Variants in NCOA2 observed in about 807,000 individuals in gnomAD.
NCOA2 encodes the protein nuclear receptor coactivator 2.
Under a neutral mutation model 145.1 loss-of-function variants are expected in NCOA2, and 21 were observed. The ratio of observed to expected loss-of-function variants is 0.14; its 90% CI spans 0.10 to 0.21. The LOEUF (loss-of-function observed/expected upper bound fraction) is 0.21. Among genes scored for constraint, NCOA2 ranks in the 10% least tolerant of loss-of-function variants. NCOA2 has a pLI of 1.00. For missense variants in NCOA2, 1,472 were observed against 1,837.6 expected (o/e 0.80, Z 3.64); for synonymous variants, 619 against 637.5 (o/e 0.97, Z 0.44).
chr8:70,161,543 T>C (rs1813002958), intron 9 of NCOA2, among the ~76,000 whole-genome samples: 1 of 152,198 alleles, frequency 6.6e-6, no homozygotes, highest in African/African-American at 2.4e-5. Context: ...AAAAAGGGCA[T>C]GGGAGAAACA....
rs34008376 is a variant in NCOA2 at position 70,250,392 on chromosome 8, CAAAAAAAAAAA to C, written c.-19-33639_-19-33629del. ...TGGTTGACAGAGTGAGACCCTGTCTCAAAAAAAAAAAAAAAAAAAAAAAAAAAAAGTCAGCC... is the reference window on the plus strand; with the variant it reads ...TGGTTGACAGAGTGAGACCCTGTCTCAAAAAAAAAAAAAAAAAAGTCAGCC... On this transcript the variant is annotated intron_variant, in intron 2 of 22. Coordinates refer to ENST00000452400, the MANE Select transcript of NCOA2 (RefSeq NM_006540.4). Among the ~76,000 whole-genome samples, 18 of 49,634 alleles carry C rather than the reference CAAAAAAAAAAA, an allele frequency of 3.6e-4. No homozygotes were observed. In the South Asian group the frequency reaches 8.5e-3, roughly 23 times the overall value. The allele number at this position is 49,634 out of a possible 152,430, so 32.6% of individuals were successfully genotyped here. A position where few individuals can be genotyped will look rare whatever the true frequency, so the allele number is the denominator to read the frequency against.
Position 70,172,367 on chromosome 8 carries a change from T to C in NCOA2, c.364-1988A>G, listed in dbSNP as rs74419747. ...CTTTTTCCCTAGTTTGTTTTTCCCT[T>C]ATGTTATTAAACAGGCTCCTATTTT... is the stretch of plus-strand genomic sequence containing the variant. On this transcript the variant is annotated intron_variant, in intron 5 of 22. Transcript: ENST00000452400. Among the ~76,000 whole-genome samples the C allele has an allele frequency of 8.0e-3, 1,226 of 152,374 alleles. 17 individuals carry two copies. The highest frequency in any genetic ancestry group is 0.031 in the Middle Eastern group (9 of 294).
chr8:70,262,175 T>C (rs1327937612), intron 2 of NCOA2, among the ~76,000 whole-genome samples: 1 of 152,158 alleles, frequency 6.6e-6, no homozygotes, highest in Non-Finnish European at 1.5e-5. Flanking sequence ...AGCCTAATGG[T>C]AAACACTTTA....
chr8:70,233,852 T>G (rs933304366), intron 2 of NCOA2, among the ~76,000 whole-genome samples: 1 of 152,204 alleles, frequency 6.6e-6, no homozygotes, highest in Non-Finnish European at 1.5e-5. Context: ...AAAATTATTT[T>G]TAACAGCTTT....
intron 1 of NCOA2, among the ~76,000 whole-genome samples, chr8:70,385,927 T>G (rs566628396): frequency 6.6e-6 from 1 of 152,364 alleles, no homozygotes; most frequent in African/African-American, 2.4e-5. Flanking sequence ...TAACTTGTGG[T>G]ACACAAAACA....
At chr8:70,137,993 T>C (rs988649721) in intron 15 of NCOA2, 2 of 403,470 alleles carry the variant, frequency 5.0e-6, no homozygotes, top group Non-Finnish European at 8.7e-6. Context: ...TCAGCATACA[T>C]ATGTTATTTT....
intron 7 of NCOA2, among the ~76,000 whole-genome samples, chr8:70,164,653 T>G (rs1459008225): frequency 6.6e-6 from 1 of 152,084 alleles, no homozygotes; most frequent in Non-Finnish European, 1.5e-5. Flanking sequence ...TAGGATATAG[T>G]TTTTAACTTG....
At chr8:70,318,081 G>T (rs1805752224) in intron 1 of NCOA2, among the ~76,000 whole-genome samples, 1 of 152,118 alleles carries the variant, frequency 6.6e-6, no homozygotes, top group South Asian at 2.1e-4. Flanking sequence ...AAAAACAAAG[G>T]AACATTGGGA....
In NCOA2 at chr8:70,267,401, T is replaced by G. The variant is rs559075103; in HGVS notation, c.-20+29343A>C. ...GATCTGTTTCCTTTCTGTTTTTTTT[T>G]TTTTTTTTTTTCCTTTGAGATAGGG... On this transcript the variant is annotated intron_variant, in intron 2 of 22. Transcript: ENST00000452400. Among the ~76,000 whole-genome samples the G allele has an allele frequency of 2.0e-5, 3 of 149,406 alleles. 1 individual carries two copies. Among genetic ancestry groups the G allele is most frequent in the South Asian group, 4.3e-4 (2 of 4,700 alleles).
chr8:70,388,393 A>C (rs1267997323), intron 1 of NCOA2, among the ~76,000 whole-genome samples: 3 of 152,146 alleles, frequency 2.0e-5, no homozygotes, highest in Non-Finnish European at 4.4e-5. Context: ...ATGAAATCTC[A>C]TCTAGGCCGG....
At chr8:70,415,275 G>T in the NCOA2 span, among the ~76,000 whole-genome samples, 2 of 151,914 alleles carry the variant, frequency 1.3e-5, no homozygotes, top group South Asian at 4.1e-4. Flanking sequence ...GCTTCAGTGA[G>T]CCATGTTCAC....
chr8:70,315,174 CTA>C (rs1563754787), intron 1 of NCOA2, among the ~76,000 whole-genome samples: 1 of 152,092 alleles, frequency 6.6e-6, no homozygotes, highest in Non-Finnish European at 1.5e-5. Context: ...AAAAGTCATT[CTA>C]TGTTTGATTT....
chr8:70,161,774 C>A (rs1813040228), intron 9 of NCOA2, among the ~76,000 whole-genome samples: 1 of 152,190 alleles, frequency 6.6e-6, no homozygotes, highest in Non-Finnish European at 1.5e-5. Context: ...CCCTCACGTG[C>A]AGCATGGCGC....
At chr8:70,380,354 C>T (rs1306914224) in intron 1 of NCOA2, among the ~76,000 whole-genome samples, 1 of 152,082 alleles carries the variant, frequency 6.6e-6, no homozygotes, top group Non-Finnish European at 1.5e-5. Context: ...AAGGCAAATT[C>T]TTAATTCATA....
chr8:70,168,663 C>T (rs1182210068), intron 6 of NCOA2, among the ~76,000 whole-genome samples: 3 of 152,178 alleles, frequency 2.0e-5, no homozygotes, highest in African/African-American at 7.2e-5. Context: ...ATAAAGACTA[C>T]ACAGAGTAGT....
chr8:70,437,279 T>C, the NCOA2 span, among the ~76,000 whole-genome samples: 1 of 152,252 alleles, frequency 6.6e-6, no homozygotes, highest in Non-Finnish European at 1.5e-5. Context: ...ACACAGGCTC[T>C]CATGCCATTC....
intron 2 of NCOA2, among the ~76,000 whole-genome samples, chr8:70,229,986 G>C (rs1820993784): frequency 6.6e-6 from 1 of 152,168 alleles, no homozygotes; most frequent in Non-Finnish European, 1.5e-5. Flanking sequence ...AATTCATTTA[G>C]TTCATTTATT....
intron 1 of NCOA2, among the ~76,000 whole-genome samples, chr8:70,333,408 A>G (rs1807281263): frequency 6.6e-6 from 1 of 152,234 alleles, no homozygotes; most frequent in South Asian, 2.1e-4. Context: ...GAACTCTGCC[A>G]GCAATGGGCA....
chr8:70,437,621 A>G, the NCOA2 span, among the ~76,000 whole-genome samples: 1 of 152,254 alleles, frequency 6.6e-6, no homozygotes, highest in African/African-American at 2.4e-5. Context: ...CCAGTGCATA[A>G]GACAATACAT....
Sources: gnomAD v4.1 joint callset for allele counts (sites outside exome capture counted in the v4.1 genomes callset) on GRCh38, gnomAD v4.1.1 for gene constraint, MANE v1.5 for transcripts, NCBI Gene and HGNC (gene_info 2026-07-23, HGNC 2026-07-21) for gene names.